ROBO1: variants seen among roughly 807,000 people sequenced by gnomAD.
ROBO1 encodes the protein roundabout homolog 1.
In ROBO1, 149 loss-of-function variants were observed where a neutral mutation model predicts 195.9. The observed-to-expected ratio is 0.76, with a 90% CI of 0.67 to 0.87. The LOEUF (loss-of-function observed/expected upper bound fraction) is 0.87, where lower values mean the gene tolerates loss of function less well. Ranked by LOEUF, ROBO1 falls within the 40% of genes least tolerant of loss-of-function variation. The pLI is 0.00. For missense variants in ROBO1, 1,933 were observed against 2,068.3 expected (o/e 0.93, Z 1.27); for synonymous variants, 816 against 733.2 (o/e 1.11, Z -1.82).
At chr3:78,683,102 T>C (rs2080967794) in intron 10 of ROBO1, among the ~76,000 whole-genome samples, 1 of 150,798 alleles carries the variant, frequency 6.6e-6, no homozygotes, top group Admixed American at 6.6e-5. Context: ...TACCACCAGA[T>C]ACAATGTTGG....
intron 3 of ROBO1, among the ~76,000 whole-genome samples, chr3:79,057,251 T>C (rs534408808): frequency 3.7e-4 from 57 of 152,190 alleles, no homozygotes; most frequent in Non-Finnish European, 6.5e-4. Context: ...AGTTAATTTC[T>C]GTAATTACTG....
chr3:78,692,423 T>A (rs1000515067), intron 8 of ROBO1, among the ~76,000 whole-genome samples: 3 of 151,876 alleles, frequency 2.0e-5, no homozygotes, highest in Non-Finnish European at 4.4e-5. Flanking sequence ...GTGTGCGCCA[T>A]CACATCTGGC....
intron 3 of ROBO1, among the ~76,000 whole-genome samples, chr3:79,011,665 A>G (rs2077781024): frequency 6.8e-6 from 1 of 148,020 alleles, no homozygotes; most frequent in Admixed American, 6.8e-5. Flanking sequence ...TGTTTTATAT[A>G]TATTTATATA....
intron 23 of ROBO1, 50 bp downstream of exon 23, chr3:78,635,723 G>T: frequency 6.8e-7 from 1 of 1,480,174 alleles, no homozygotes; most frequent in Non-Finnish European, 9.3e-7. Context: ...TAGTCGAGGT[G>T]CTGAGAGTAT....
At chr3:79,626,039 A>T (rs1398156056) in intron 1 of ROBO1, among the ~76,000 whole-genome samples, 1 of 152,218 alleles carries the variant, frequency 6.6e-6, no homozygotes, top group South Asian at 2.1e-4. Context: ...CTGGTTCAAC[A>T]TACCCCAATC....
At chr3:79,395,340 A>AAAAAAAAAAAAAAAGAAAGAAAGAAAG (rs71631648) in intron 2 of ROBO1, among the ~76,000 whole-genome samples, 2 of 119,062 alleles carry the variant, frequency 1.7e-5, no homozygotes, top group Non-Finnish European at 1.7e-5. Flanking sequence ...AAAAAAAAAA[A>AAAAAAAAAAAAAAAGAAAGAAAGAAAG]AAAGAAAGAA....
At chr3:78,890,499 G>T (rs539652933) in intron 4 of ROBO1, among the ~76,000 whole-genome samples, 3 of 152,048 alleles carry the variant, frequency 2.0e-5, no homozygotes, top group African/African-American at 4.8e-5. Flanking sequence ...AGTAAACGTT[G>T]GTTGTTTAAG....
intron 2 of ROBO1, among the ~76,000 whole-genome samples, chr3:79,537,556 C>A (rs1941919715): frequency 6.6e-6 from 1 of 152,080 alleles, no homozygotes; most frequent in South Asian, 2.1e-4. Context: ...ATTTCTGCAC[C>A]AGAAATGCCC....
intron 1 of ROBO1, among the ~76,000 whole-genome samples, chr3:79,765,858 G>A (rs893585560): frequency 6.6e-6 from 1 of 152,048 alleles, no homozygotes; most frequent in African/African-American, 2.4e-5. Flanking sequence ...CGCTCAGCCC[G>A]GGTTGACAAG....
chr3:79,047,676 G>T (rs1030985124), intron 3 of ROBO1, among the ~76,000 whole-genome samples: 1 of 152,082 alleles, frequency 6.6e-6, no homozygotes, highest in Non-Finnish European at 1.5e-5. Flanking sequence ...AAGCCACAGA[G>T]AATTAATAGT....
intron 2 of ROBO1, among the ~76,000 whole-genome samples, chr3:79,539,560 T>C (rs1941991649): frequency 6.6e-6 from 1 of 152,084 alleles, no homozygotes; most frequent in Admixed American, 6.6e-5. Context: ...AAATTAAAAC[T>C]TCATTTTAAT....
At chr3:79,165,009 A>C (rs1384789540) in intron 2 of ROBO1, among the ~76,000 whole-genome samples, 1 of 152,152 alleles carries the variant, frequency 6.6e-6, no homozygotes, top group Non-Finnish European at 1.5e-5. Flanking sequence ...TACTTAACAC[A>C]TTTTAACTTG....
At chr3:79,759,865 C>T (rs1053641960) in intron 1 of ROBO1, among the ~76,000 whole-genome samples, 4 of 152,088 alleles carry the variant, frequency 2.6e-5, no homozygotes, top group African/African-American at 9.7e-5. Flanking sequence ...ATATGGAACA[C>T]TTATGAGTGG....
At chr3:78,887,157 G>A (rs2036616451) in intron 4 of ROBO1, among the ~76,000 whole-genome samples, 1 of 152,264 alleles carries the variant, frequency 6.6e-6, no homozygotes, top group Admixed American at 6.5e-5. Flanking sequence ...TCAGAACTTG[G>A]AGAGTAAAGG....
Position 79,055,618 on chromosome 3 carries a change from TG to T in ROBO1, c.172+69837del, listed in dbSNP as rs1379368691. Among the ~76,000 whole-genome samples, 4 of 152,108 alleles carry T rather than the reference TG, an allele frequency of 2.6e-5. No individual in the cohort carries two copies. The South Asian group carries it at 8.3e-4, about 32-fold the overall frequency. On this transcript the variant is annotated intron_variant, in intron 3 of 30. Transcript: ENST00000464233. ...TTAGGGTAGAGATTTACTGGCACAA[TG>T]GGGGGCTGAAATTAATATTCCACAT...
chr3:78,963,691 G>C (rs1481316388), intron 3 of ROBO1, among the ~76,000 whole-genome samples: 3 of 151,210 alleles, frequency 2.0e-5, no homozygotes, highest in Non-Finnish European at 4.4e-5. Context: ...CTAATTTTTT[G>C]TATTTTTAGT....
rs539215853 is a variant in ROBO1, at chr3:79,129,973, C to A, written c.89-4434G>T. Among the ~76,000 whole-genome samples, 981 of 117,886 alleles carry A rather than the reference C, an allele frequency of 8.3e-3. 10 individuals are homozygous for A. Among genetic ancestry groups the A allele is most frequent in the African/African-American group, 0.029 (874 of 30,100 alleles). 77.3% of individuals were successfully genotyped at this position (117,886 alleles called of 152,430 possible). A position where few individuals can be genotyped will look rare whatever the true frequency, so the allele number is the denominator to read the frequency against. Reference sequence around the variant, plus strand: ...CATTGCTTGTTTTTCTCAGGTTTGTCAAAGATCAGATAGTTGTAGATATGC... The same window carrying A: ...CATTGCTTGTTTTTCTCAGGTTTGTAAAAGATCAGATAGTTGTAGATATGC... On this transcript the variant is annotated intron_variant, in intron 2 of 30. Transcript: ENST00000464233.
chr3:79,304,629 AT>A (rs2033137164), intron 2 of ROBO1, among the ~76,000 whole-genome samples: 1 of 152,134 alleles, frequency 6.6e-6, no homozygotes, highest in South Asian at 2.1e-4. Flanking sequence ...TATATTTATT[AT>A]TTGCTTTGGA....
At chr3:79,505,315 T>G (rs1374776275) in intron 2 of ROBO1, among the ~76,000 whole-genome samples, 2 of 151,146 alleles carry the variant, frequency 1.3e-5, no homozygotes, top group East Asian at 3.9e-4. Context: ...AGGAAGCAGG[T>G]TGAGGAAGGA....
Sources: gnomAD v4.1 joint callset for allele counts (sites outside exome capture counted in the v4.1 genomes callset) on GRCh38, gnomAD v4.1.1 for gene constraint, MANE v1.5 for transcripts, NCBI Gene and HGNC (gene_info 2026-07-23, HGNC 2026-07-21) for gene names.